The following TPO variants were observed in gnomAD, a reference collection of about 807,000 sequenced individuals.
TPO encodes thyroid peroxidase.
Under a neutral mutation model 96.9 loss-of-function variants are expected in TPO, and 78 were observed. The observed-to-expected ratio is 0.81, with a 90% confidence interval of 0.67 to 0.97. The LOEUF (loss-of-function observed/expected upper bound fraction) is 0.97. Ranked by LOEUF, TPO falls within the 50% of genes least tolerant of loss-of-function variation. The pLI, the probability that TPO is intolerant of heterozygous loss-of-function variation, is 0.00. For missense variants in TPO, 1,252 were observed against 1,274.8 expected (o/e 0.98, Z 0.27); for synonymous variants, 547 against 538.0 (o/e 1.02, Z -0.23).
chr2:1,527,343 C>A (rs1025541912), intron 15 of TPO, among the ~76,000 whole-genome samples: 6 of 136,812 alleles, frequency 4.4e-5, no homozygotes, highest in South Asian at 5.1e-4. Context: ...CAAAATACCC[C>A]CCGTGAGCAA....
chr2:1,383,537 T>C (rs1415262310), intron 1 of TPO, among the ~76,000 whole-genome samples: 3 of 152,250 alleles, frequency 2.0e-5, no homozygotes, highest in Non-Finnish European at 4.4e-5. Context: ...TTGAGAAGTG[T>C]CTGTTCATAT....
intron 3 of TPO, among the ~76,000 whole-genome samples, chr2:1,425,340 A>C (rs370657420): frequency 5.2e-4 from 78 of 150,670 alleles, no homozygotes; most frequent in Admixed American, 1.9e-3. Flanking sequence ...TCAGAAGTCC[A>C]TGCCCGTTCT....
In TPO at chr2:1,495,679, T is replaced by G. The variant is rs936585585; in HGVS notation, c.2007-310T>G. ...GCACGCTGTGCTGCCCCTCCACATC[T>G]CCTTCGGGTCCTCAGTACCTGCACC... On this transcript the variant is annotated intron_variant, in intron 11 of 16. Coordinates refer to ENST00000329066, the MANE Select transcript of TPO (RefSeq NM_001206744.2). Among the ~76,000 whole-genome samples, 73 of 152,300 alleles carry G rather than the reference T, an allele frequency of 4.8e-4. 1 individual carries two copies. Among genetic ancestry groups the G allele is most frequent in the Middle Eastern group, 3.4e-3 (1 of 294 alleles).
chr2:1,411,416 A>G (rs900023122), upstream of TPO, among the ~76,000 whole-genome samples: 2 of 151,930 alleles, frequency 1.3e-5, no homozygotes, highest in Non-Finnish European at 2.9e-5. Flanking sequence ...CTCCATCGGC[A>G]CTCGGCATTT....
Position 1,511,484 on chromosome 2 carries a change from C to T in TPO, c.2519-5399C>T, listed in dbSNP as rs572676370. Among the ~76,000 whole-genome samples the T allele has an allele frequency of 1.0e-3, 143 of 142,694 alleles. 37 individuals are homozygous for T. The highest frequency in any genetic ancestry group is 3.6e-3 in the African/African-American group (135 of 37,870). 93.6% of individuals were successfully genotyped at this position (142,694 alleles called of 152,430 possible). On this transcript the variant is annotated intron_variant, in intron 14 of 16. Coordinates refer to ENST00000329066, the MANE Select transcript of TPO (RefSeq NM_001206744.2). The stretch of plus-strand genomic sequence containing the variant: ...GCAGCCCTGCAGACTGGGGGTGCCA[C>T]AGCGCAGCCCTGCAGACTGGGGGTG...
intron 1 of TPO, among the ~76,000 whole-genome samples, chr2:1,395,170 C>T (rs1662061336): frequency 6.6e-6 from 1 of 152,142 alleles, no homozygotes. Context: ...CCTCTCCAGG[C>T]AGCTCCACTC....
rs148004721 is a variant in TPO, at chr2:1,512,049, T to A, written c.2519-4834T>A. Among the ~76,000 whole-genome samples the A allele has an allele frequency of 6.6e-3, 1,006 of 152,300 alleles. 10 individuals carry two copies. Among genetic ancestry groups the A allele is most frequent in the African/African-American group, 0.023 (965 of 41,584 alleles). On this transcript the variant is annotated intron_variant, in intron 14 of 16. Transcript: ENST00000329066. ...ATCTATTTCCTGCATCTTTTTTTTTTTTGAGACGGAGTCTCGCTCTGTCGC... is the reference window on the plus strand; with the variant it reads ...ATCTATTTCCTGCATCTTTTTTTTTATTGAGACGGAGTCTCGCTCTGTCGC...
rs1558277984 is a variant in TPO, at chr2:1,432,662, CAGGTGGGGTG to C, written c.180-772_180-763del. On this transcript the variant is annotated intron_variant, in intron 3 of 16. Coordinates refer to ENST00000329066, the MANE Select transcript of TPO (RefSeq NM_001206744.2). The stretch of plus-strand genomic sequence containing the variant: ...AGGCCTGCAGGTGAGGAGAGGCCTG[CAGGTGGGGTG>C]AGGCCTGCAGGTGGGGTGAGGCCTG... 6.9e-3 allele frequency among the ~76,000 whole-genome samples: 515 copies of C among 74,254 alleles called. 68 individuals carry two copies. Among genetic ancestry groups the C allele is most frequent in the East Asian group, 0.048 (129 of 2,708 alleles). 48.7% of individuals were successfully genotyped at this position (74,254 alleles called of 152,430 possible).
intron 1 of TPO, among the ~76,000 whole-genome samples, chr2:1,400,868 A>G (rs1043456474): frequency 6.6e-6 from 1 of 152,254 alleles, no homozygotes; most frequent in African/African-American, 2.4e-5. Flanking sequence ...TCTTTTTACA[A>G]AAATCTCAAA....
chr2:1,499,227 GCCTGCCCTCTGACCTTCCA>G (rs1390730574), intron 13 of TPO, among the ~76,000 whole-genome samples: 11 of 151,698 alleles, frequency 7.3e-5, no homozygotes, highest in Middle Eastern at 3.4e-3. Flanking sequence ...CTGACCTTCC[GCCTGCCCTCTGACCTTCCA>G]CCTGCCCTCT....
intron 2 of TPO, among the ~76,000 whole-genome samples, chr2:1,421,306 A>G (rs1663494751): frequency 6.6e-6 from 1 of 152,248 alleles, no homozygotes; most frequent in African/African-American, 2.4e-5. Flanking sequence ...AGAGCCGTGC[A>G]AACTTCTCTC....
At chr2:1,385,103 C>T (rs1444536779) in intron 1 of TPO, among the ~76,000 whole-genome samples, 1 of 152,176 alleles carries the variant, frequency 6.6e-6, no homozygotes, top group African/African-American at 2.4e-5. Flanking sequence ...CTGCTGGATT[C>T]AGTTTGCCAG....
At chr2:1,382,690 G>T (rs946682801) in intron 1 of TPO, among the ~76,000 whole-genome samples, 7 of 152,022 alleles carry the variant, frequency 4.6e-5, no homozygotes, top group Non-Finnish European at 7.4e-5. Context: ...GGACTACATA[G>T]ATATGTAAAG....
intron 15 of TPO, among the ~76,000 whole-genome samples, chr2:1,537,824 A>T (rs186631797): frequency 1.5e-3 from 63 of 43,192 alleles, no homozygotes; most frequent in African/African-American, 4.2e-3. Context: ...CCCCACTGTG[A>T]GCAACCTCCT....
chr2:1,396,447 C>G (rs1389303140), intron 1 of TPO, among the ~76,000 whole-genome samples: 1 of 152,220 alleles, frequency 6.6e-6, no homozygotes, highest in African/African-American at 2.4e-5. Context: ...CTGAGAGGGT[C>G]TCCGTGCATG....
At chr2:1,383,689 G>C (rs1661845339) in intron 1 of TPO, among the ~76,000 whole-genome samples, 1 of 152,186 alleles carries the variant, frequency 6.6e-6, no homozygotes, top group African/African-American at 2.4e-5. Flanking sequence ...TCACTCTGAT[G>C]GTAGTTTCTT....
chr2:1,524,871 G>A (rs1460244970), intron 15 of TPO, among the ~76,000 whole-genome samples: 1 of 107,644 alleles, frequency 9.3e-6, no homozygotes, highest in African/African-American at 3.7e-5. Flanking sequence ...CCACTGTGAT[G>A]TAACCTCCTC....
At chr2:1,499,323 A>G (rs1672650064) in intron 13 of TPO, among the ~76,000 whole-genome samples, 1 of 152,086 alleles carries the variant, frequency 6.6e-6, no homozygotes, top group Admixed American at 6.6e-5. Flanking sequence ...CCTCCTGTAG[A>G]CCATCCTATG....
At position 1,395,825 on chromosome 2, in the gene TPO, G is replaced by T. The variant is rs1662070947; in HGVS notation, n.180+21423G>T. Among the ~76,000 whole-genome samples, 2 of 152,142 alleles carry T rather than the reference G, an allele frequency of 1.3e-5. 1 individual carries two copies. On this transcript the variant is annotated intron_variant and non_coding_transcript_variant, in intron 1 of 5. Coordinates refer to the TPO transcript ENST00000497517. ...AGATCTGATGGTTTTATAAAGGGCAGTTCCCCTGCACACATTCTCTTGCCT... is the reference window on the plus strand; with the variant it reads ...AGATCTGATGGTTTTATAAAGGGCATTTCCCCTGCACACATTCTCTTGCCT...
Sources: gnomAD v4.1 joint callset for allele counts (sites outside exome capture counted in the v4.1 genomes callset) on GRCh38, gnomAD v4.1.1 for gene constraint, MANE v1.5 for transcripts, NCBI Gene and HGNC (gene_info 2026-07-23, HGNC 2026-07-21) for gene names.